The following CDKL4 variants were observed in gnomAD, a reference collection of about 807,000 sequenced individuals.
CDKL4 encodes the protein cyclin-dependent kinase-like 4.
Under a neutral mutation model 42.0 loss-of-function variants are expected in CDKL4, and 44 were observed. The ratio of observed to expected loss-of-function variants is 1.05; its 90% CI spans 0.82 to 1.35. The LOEUF (loss-of-function observed/expected upper bound fraction) is 1.35, where lower values mean the gene tolerates loss of function less well. CDKL4 is among the 40% of genes most tolerant of loss of function. The pLI, the probability that CDKL4 is intolerant of heterozygous loss-of-function variation, is 0.00. For synonymous variants in CDKL4, 120 were observed against 121.6 expected (o/e 0.99, Z 0.09); for missense variants, 393 against 369.9 (o/e 1.06, Z -0.51).
At chr2:39,240,545 G>C (rs1157934010) in intron 1 of CDKL4, among the ~76,000 whole-genome samples, 1 of 151,556 alleles carries the variant, frequency 6.6e-6, no homozygotes, top group African/African-American at 2.4e-5. Flanking sequence ...TTATTCAGAA[G>C]AGGTCCCTAT....
intron 1 of CDKL4, among the ~76,000 whole-genome samples, chr2:39,234,465 A>G (rs1018521160): frequency 8.5e-5 from 13 of 152,342 alleles, no homozygotes; most frequent in African/African-American, 2.9e-4. Flanking sequence ...GAAAGTTGAA[A>G]TGGAGACAGG....
intron 8 of CDKL4, among the ~76,000 whole-genome samples, chr2:39,183,946 T>C (rs1203371535): frequency 6.6e-6 from 1 of 152,162 alleles, no homozygotes; most frequent in Non-Finnish European, 1.5e-5. Flanking sequence ...GGCCCCACCG[T>C]CTAGATCAGA....
At chr2:39,176,160 G>A in intron 9 of CDKL4, 64 bp from the exon 10 acceptor site, 3 of 408,958 alleles carry the variant, frequency 7.3e-6, no homozygotes, top group South Asian at 5.7e-5. Context: ...TGTACAGTTT[G>A]ATTGAAAGAT....
At chr2:39,208,642 C>T (rs1677362784) in intron 4 of CDKL4, among the ~76,000 whole-genome samples, 1 of 151,432 alleles carries the variant, frequency 6.6e-6, no homozygotes, top group Non-Finnish European at 1.5e-5. Flanking sequence ...CATGCTTGGC[C>T]TTGTACACAG....
At chr2:39,225,513 A>G (rs866159296) in intron 3 of CDKL4, among the ~76,000 whole-genome samples, 1 of 152,022 alleles carries the variant, frequency 6.6e-6, no homozygotes, top group Admixed American at 6.6e-5. Flanking sequence ...TCAATCGTAC[A>G]TTTTTTTATC....
At chr2:39,194,315 T>C (rs760237801) in intron 5 of CDKL4, among the ~76,000 whole-genome samples, 1 of 152,100 alleles carries the variant, frequency 6.6e-6, no homozygotes, top group African/African-American at 2.4e-5. Context: ...AAATTAGCCC[T>C]ATCAAAAATA....
intron 3 of CDKL4, among the ~76,000 whole-genome samples, chr2:39,216,169 A>G (rs923639139): frequency 5.9e-5 from 9 of 152,206 alleles, no homozygotes; most frequent in African/African-American, 9.7e-5. Flanking sequence ...ATAATATCTT[A>G]TAAGTTATTT....
intron 3 of CDKL4, among the ~76,000 whole-genome samples, chr2:39,220,713 T>C (rs1678254014): frequency 6.6e-6 from 1 of 151,692 alleles, no homozygotes; most frequent in African/African-American, 2.4e-5. Context: ...GCCTCCCGAG[T>C]AGCTGGGATT....
chr2:39,179,057 C>G, intron 9 of CDKL4, 130 bp downstream of exon 9: 1 of 1,502,346 alleles, frequency 6.7e-7, no homozygotes, highest in Middle Eastern at 2.0e-4. Flanking sequence ...ATTTATTAAG[C>G]TAGACAAATA....
chr2:39,205,838 C>G (rs1050018697), intron 4 of CDKL4, among the ~76,000 whole-genome samples: 1 of 150,932 alleles, frequency 6.6e-6, no homozygotes, highest in Non-Finnish European at 1.5e-5. Flanking sequence ...AAGGCACAAA[C>G]CAGGACTGCC....
At chr2:39,181,837 G>T (rs1206712039) in intron 8 of CDKL4, among the ~76,000 whole-genome samples, 1 of 152,074 alleles carries the variant, frequency 6.6e-6, no homozygotes, top group Non-Finnish European at 1.5e-5. Flanking sequence ...AGAGTTTTCA[G>T]AGAAAGCCCA....
At chr2:39,221,885 T>C (rs144382732) in intron 3 of CDKL4, among the ~76,000 whole-genome samples, 3 of 152,256 alleles carry the variant, frequency 2.0e-5, no homozygotes, top group Non-Finnish European at 4.4e-5. Context: ...GATGTTGGAG[T>C]TGCTTCTCTT....
intron 5 of CDKL4, among the ~76,000 whole-genome samples, chr2:39,195,558 T>C (rs750808859): frequency 2.0e-5 from 3 of 152,212 alleles, no homozygotes; most frequent in Admixed American, 6.5e-5. Context: ...ATATCCCTAA[T>C]GATTACCATA....
At chr2:39,215,404 T>G (rs762536841) in intron 3 of CDKL4, among the ~76,000 whole-genome samples, 1 of 152,200 alleles carries the variant, frequency 6.6e-6, no homozygotes, top group Non-Finnish European at 1.5e-5. Flanking sequence ...CTGCAAATAT[T>G]TTGCTCAGTG....
chr2:39,242,701 A>G (rs992387034), intron 1 of CDKL4, among the ~76,000 whole-genome samples: 1 of 152,218 alleles, frequency 6.6e-6, no homozygotes, highest in Non-Finnish European at 1.5e-5. Flanking sequence ...TGAAAGAAGG[A>G]AAACAAAAAT....
At chr2:39,198,692 C>T (rs1446254351) in intron 5 of CDKL4, among the ~76,000 whole-genome samples, 2 of 151,378 alleles carry the variant, frequency 1.3e-5, no homozygotes, top group African/African-American at 4.9e-5. Context: ...ATTCTCAAAA[C>T]CATGCAAATA....
At chr2:39,205,257 A>C (rs1677092312) in intron 4 of CDKL4, among the ~76,000 whole-genome samples, 1 of 152,188 alleles carries the variant, frequency 6.6e-6, no homozygotes, top group Non-Finnish European at 1.5e-5. Context: ...GCTGGGTCCT[A>C]TTTAAACCGT....
chr2:39,202,489 A>T (rs1206170749), intron 5 of CDKL4, among the ~76,000 whole-genome samples: 1 of 152,072 alleles, frequency 6.6e-6, no homozygotes, highest in African/African-American at 2.4e-5. Flanking sequence ...GTTGCTTTTC[A>T]TTCTGTTTAT....
intron 1 of CDKL4, among the ~76,000 whole-genome samples, chr2:39,241,022 T>C (rs1224097778): frequency 6.6e-6 from 1 of 152,218 alleles, no homozygotes; most frequent in Non-Finnish European, 1.5e-5. Context: ...ATGCGACGTG[T>C]GATCCTGAAC....
Sources: allele counts gnomAD v4.1 joint callset (sites outside exome capture counted in the v4.1 genomes callset), GRCh38; gene constraint gnomAD v4.1.1; transcripts MANE v1.5; gene names NCBI Gene and HGNC (gene_info 2026-07-23, HGNC 2026-07-21).